Variants in HS3ST2 observed in about 807,000 individuals in gnomAD.
The protein encoded by HS3ST2 is heparan sulfate glucosamine 3-O-sulfotransferase 2.
HS3ST2 carries 17 observed loss-of-function variants against 26.3 expected under a neutral mutation model. The observed-to-expected ratio is 0.65, with a 90% CI of 0.44 to 0.97. The LOEUF is 0.97. HS3ST2 is among the 50% of genes least tolerant of loss of function. HS3ST2 has a pLI of 0.00. For synonymous variants in HS3ST2, 237 were observed against 219.2 expected (o/e 1.08, Z -0.72); for missense variants, 402 against 501.2 (o/e 0.80, Z 1.89).
intron 1 of HS3ST2, among the ~76,000 whole-genome samples, chr16:22,832,733 G>C (rs208960): frequency 0.24 from 36,610 of 150,278 alleles, 5,307 homozygotes; most frequent in African/African-American, 0.4. Context: ...GTGAGTTGAA[G>C]GGGATACGAG....
chr16:22,849,509 C>A (rs1203327396), intron 1 of HS3ST2, among the ~76,000 whole-genome samples: 2 of 152,154 alleles, frequency 1.3e-5, no homozygotes, highest in Non-Finnish European at 2.9e-5. Flanking sequence ...ACAACCACAG[C>A]ATATCAATGG....
intron 1 of HS3ST2, among the ~76,000 whole-genome samples, chr16:22,907,954 AT>A (rs1902376844): frequency 1.3e-5 from 2 of 152,314 alleles, no homozygotes; most frequent in South Asian, 2.1e-4. Context: ...CCAGGGCAAC[AT>A]GGCGAAACCT....
intron 1 of HS3ST2, among the ~76,000 whole-genome samples, chr16:22,882,887 C>T (rs1902008955): frequency 1.3e-5 from 2 of 151,578 alleles, no homozygotes; most frequent in Non-Finnish European, 2.9e-5. Context: ...AAAAGTTAGC[C>T]AGGCGTGGTG....
intron 1 of HS3ST2, among the ~76,000 whole-genome samples, chr16:22,836,943 C>T (rs180763809): frequency 7.2e-5 from 11 of 152,260 alleles, no homozygotes; most frequent in Admixed American, 6.5e-4. Flanking sequence ...TAGGTGTGAG[C>T]CACCATGCCC....
At position 22,824,660 on chromosome 16, in the gene HS3ST2, C is replaced by T. The variant is rs180882928; in HGVS notation, c.485+9565C>T. Among the ~76,000 whole-genome samples the T allele has an allele frequency of 7.2e-5, 11 of 152,278 alleles. No individual in the cohort carries two copies. In the East Asian group the frequency reaches 1.2e-3, roughly 16 times the overall value. ...CAGTTTAATTTCACTGGATCAAGAG[C>T]GGAAGACAATGCAACTTCTTTGTGT... On this transcript the variant is annotated intron_variant, in intron 1 of 1. Coordinates refer to ENST00000261374, the MANE Select transcript of HS3ST2 (RefSeq NM_006043.2).
intron 1 of HS3ST2, among the ~76,000 whole-genome samples, chr16:22,847,441 T>C (rs1309365227): frequency 6.6e-6 from 1 of 152,114 alleles, no homozygotes; most frequent in Non-Finnish European, 1.5e-5. Context: ...TAGATAAATA[T>C]CATTTATGTA....
chr16:22,827,054 G>A (rs1359230887), intron 1 of HS3ST2, among the ~76,000 whole-genome samples: 1 of 152,176 alleles, frequency 6.6e-6, no homozygotes, highest in African/African-American at 2.4e-5. Context: ...AGGGTGGTTA[G>A]GGAAGGCCTA....
intron 1 of HS3ST2, among the ~76,000 whole-genome samples, chr16:22,884,843 TGTC>T (rs1902038904): frequency 8.0e-6 from 1 of 125,720 alleles, no homozygotes; most frequent in Non-Finnish European, 1.8e-5. Context: ...TCTCCCTCTC[TGTC>T]TTTTTTTTTT....
At chr16:22,870,550 G>T (rs943037360) in intron 1 of HS3ST2, among the ~76,000 whole-genome samples, 1 of 152,068 alleles carries the variant, frequency 6.6e-6, no homozygotes, top group Non-Finnish European at 1.5e-5. Flanking sequence ...CCCAATGCCT[G>T]TTCCTGTTTG....
chr16:22,852,382 A>G (rs1901530003), intron 1 of HS3ST2, among the ~76,000 whole-genome samples: 1 of 152,180 alleles, frequency 6.6e-6, no homozygotes, highest in East Asian at 1.9e-4. Context: ...CAAATGTGAG[A>G]ACCATGTTTT....
chr16:22,841,422 A>G (rs1204426448), intron 1 of HS3ST2, among the ~76,000 whole-genome samples: 5 of 152,162 alleles, frequency 3.3e-5, no homozygotes, highest in African/African-American at 4.8e-5. Flanking sequence ...ATCACAAACC[A>G]GCTTGACAGC....
chr16:22,843,156 A>ATG (rs398038424), intron 1 of HS3ST2, among the ~76,000 whole-genome samples: 21,030 of 150,028 alleles, frequency 0.14, 1,510 homozygotes, highest in South Asian at 0.24. Context: ...AGATGTATGT[A>ATG]TGTGTGTGTG....
At chr16:22,861,125 C>T (rs903836239) in intron 1 of HS3ST2, among the ~76,000 whole-genome samples, 1 of 152,120 alleles carries the variant, frequency 6.6e-6, no homozygotes, top group African/African-American at 2.4e-5. Flanking sequence ...AATCTTCCTG[C>T]CTTGGCCTCC....
intron 1 of HS3ST2, among the ~76,000 whole-genome samples, chr16:22,849,863 C>G (rs1901494416): frequency 6.6e-6 from 1 of 152,168 alleles, no homozygotes; most frequent in South Asian, 2.1e-4. Context: ...GAATAGTTCT[C>G]ACACCAGTCC....
intron 1 of HS3ST2, among the ~76,000 whole-genome samples, chr16:22,834,264 T>C (rs1239438124): frequency 6.6e-6 from 1 of 152,206 alleles, no homozygotes; most frequent in Non-Finnish European, 1.5e-5. Context: ...CCCACAGTTG[T>C]AATCAATGTT....
intron 1 of HS3ST2, among the ~76,000 whole-genome samples, chr16:22,819,416 TC>T (rs1335410989): frequency 6.6e-6 from 1 of 152,200 alleles, no homozygotes; most frequent in Non-Finnish European, 1.5e-5. Flanking sequence ...AATAGACTCT[TC>T]AGGGTCATCT....
intron 1 of HS3ST2, among the ~76,000 whole-genome samples, chr16:22,816,116 G>T (rs748587238): frequency 5.3e-5 from 8 of 152,218 alleles, no homozygotes; most frequent in Non-Finnish European, 8.8e-5. Context: ...CCTGTATGGT[G>T]CTGAAGTGTA....
intron 1 of HS3ST2, among the ~76,000 whole-genome samples, chr16:22,892,547 G>A (rs956924767): frequency 1.4e-4 from 21 of 152,222 alleles, no homozygotes; most frequent in African/African-American, 5.1e-4. Flanking sequence ...TTCATTAAAT[G>A]AATGTGCTAT....
chr16:22,890,432 A>T (rs775206899), intron 1 of HS3ST2, among the ~76,000 whole-genome samples: 20 of 152,194 alleles, frequency 1.3e-4, no homozygotes, highest in Non-Finnish European at 2.1e-4. Context: ...GACAATGTGA[A>T]TGTTCTTTGT....
Sources: allele counts gnomAD v4.1 joint callset (sites outside exome capture counted in the v4.1 genomes callset), GRCh38; gene constraint gnomAD v4.1.1; transcripts MANE v1.5; gene names NCBI Gene and HGNC (gene_info 2026-07-23, HGNC 2026-07-21).